Variants in AP3B1 observed in about 807,000 individuals in gnomAD.
AP3B1 encodes adaptor related protein complex 3 subunit beta 1.
AP3B1 carries 61 observed loss-of-function variants against 132.5 expected under a neutral mutation model. That is an observed-to-expected ratio of 0.46 (90% CI 0.37 to 0.57). The LOEUF (loss-of-function observed/expected upper bound fraction) is 0.57. Among genes scored for constraint, AP3B1 ranks in the 20% least tolerant of loss-of-function variants. The probability of loss-of-function intolerance (pLI) is 0.00; values close to 1 mark genes in which losing one functional copy is unlikely to be tolerated. For missense variants in AP3B1, 1,120 were observed against 1,289.4 expected, an observed-to-expected ratio of 0.87 and a Z score of 2.01; for synonymous variants, 388 against 438.3, an observed-to-expected ratio of 0.89 and a Z score of 1.43.
At chr5:78,080,623 A>ATTTTTTTTTTTTTTTTTTTTTTTT (rs66609184) in intron 22 of AP3B1, among the ~76,000 whole-genome samples, 1 of 103,548 alleles carries the variant, frequency 9.7e-6, no homozygotes, top group African/African-American at 3.8e-5. Context: ...TATGCCTCCA[A>ATTTTTTTTTTTTTTTTTTTTTTTT]TTTTTTTTTT....
intron 22 of AP3B1, among the ~76,000 whole-genome samples, chr5:78,060,200 T>C (rs1369917597): frequency 6.6e-6 from 1 of 152,110 alleles, no homozygotes; most frequent in Non-Finnish European, 1.5e-5. Flanking sequence ...TTATACCGAG[T>C]CTCTGAATGA....
At chr5:78,148,525 C>A (rs72776444) in intron 14 of AP3B1, among the ~76,000 whole-genome samples, 38,098 of 152,014 alleles carry the variant, frequency 0.25, 4,977 homozygotes, top group Admixed American at 0.38. Flanking sequence ...AAACCTTTAA[C>A]ATTCTTTTAT....
intron 22 of AP3B1, among the ~76,000 whole-genome samples, chr5:78,053,287 G>GTA (rs1344910575): frequency 6.6e-6 from 1 of 151,600 alleles, no homozygotes; most frequent in East Asian, 1.9e-4. Flanking sequence ...CTTAATTCAA[G>GTA]TCTTCATTAA....
intron 18 of AP3B1, among the ~76,000 whole-genome samples, chr5:78,115,325 T>A (rs530516384): frequency 7.9e-5 from 12 of 152,060 alleles, no homozygotes; most frequent in African/African-American, 2.9e-4. Flanking sequence ...CATGTAAGAG[T>A]GACAGGCCCT....
chr5:78,087,834 T>C (rs1285743449), intron 22 of AP3B1, among the ~76,000 whole-genome samples: 4 of 152,226 alleles, frequency 2.6e-5, no homozygotes, highest in Non-Finnish European at 5.9e-5. Context: ...TTATCACATA[T>C]CGTATCACTT....
intron 1 of AP3B1, among the ~76,000 whole-genome samples, chr5:78,276,102 A>G (rs1040350888): frequency 1.3e-5 from 2 of 151,492 alleles, no homozygotes; most frequent in Non-Finnish European, 2.9e-5. Context: ...GTCTTGCTCT[A>G]TTGCCCAGGC....
At chr5:78,193,863 TCCTG>T (rs2112439410) in intron 7 of AP3B1, among the ~76,000 whole-genome samples, 1 of 150,450 alleles carries the variant, frequency 6.6e-6, no homozygotes, top group Admixed American at 6.7e-5. Flanking sequence ...CACGCCATTC[TCCTG>T]CCTCAGCCTC....
intron 1 of AP3B1, among the ~76,000 whole-genome samples, chr5:78,282,989 G>A (rs1749123289): frequency 6.6e-6 from 1 of 152,118 alleles, no homozygotes; most frequent in Admixed American, 6.5e-5. Context: ...GGCACAGAAA[G>A]AGATTGTGTC....
intron 22 of AP3B1, among the ~76,000 whole-genome samples, chr5:78,048,749 T>C (rs1207351271): frequency 6.6e-6 from 1 of 152,230 alleles, no homozygotes; most frequent in African/African-American, 2.4e-5. Context: ...CTTGCTGAAG[T>C]TGTTTTCTCT....
chr5:78,002,715 AAAGGGGGAAAGTATTG>A lies in AP3B1; in HGVS notation c.*171_*186del. 1.4e-6 allele frequency: 1 copy of A among 699,208 alleles called. No individual in the cohort carries two copies. The highest frequency in any genetic ancestry group is 1.8e-5 in the South Asian group (1 of 56,918). The allele number at this position is 699,208 out of a possible 1,614,324, so 43.3% of individuals were successfully genotyped here. ...ATATGCTCTTTGGTTAGCAAAGCAA[AAAGGGGGAAAGTATTG>A]CATACATGATAGATACACACTAGCA... On this transcript the variant is annotated 3_prime_UTR_variant, in exon 27 of 27. Coordinates refer to ENST00000255194, the MANE Select transcript of AP3B1 (RefSeq NM_003664.5).
intron 21 of AP3B1, among the ~76,000 whole-genome samples, chr5:78,092,764 C>T (rs1240931793): frequency 6.6e-6 from 1 of 151,574 alleles, no homozygotes; most frequent in African/African-American, 2.4e-5. Flanking sequence ...CCTCCCGCCT[C>T]AGCCTCCTGA....
At chr5:78,272,950 A>G (rs1431777658) in intron 1 of AP3B1, among the ~76,000 whole-genome samples, 2 of 148,574 alleles carry the variant, frequency 1.3e-5, no homozygotes, top group Admixed American at 6.7e-5. Flanking sequence ...ATATCTGTCC[A>G]TGACACTGTA....
intron 21 of AP3B1, among the ~76,000 whole-genome samples, chr5:78,091,277 C>CA (rs748473899): frequency 0.36 from 28,199 of 79,294 alleles, 4,088 homozygotes; most frequent in South Asian, 0.51. Flanking sequence ...ATGTATTTGA[C>CA]AAAAAAAAAA....
intron 3 of AP3B1, among the ~76,000 whole-genome samples, chr5:78,240,616 G>C (rs576123485): frequency 6.6e-6 from 1 of 152,140 alleles, no homozygotes; most frequent in Admixed American, 6.6e-5. Flanking sequence ...GTGAAAACTC[G>C]ACAACTTACC....
chr5:78,186,736 A>G (rs1175198425), intron 7 of AP3B1, among the ~76,000 whole-genome samples: 2 of 152,234 alleles, frequency 1.3e-5, no homozygotes, highest in Non-Finnish European at 2.9e-5. Context: ...GTATTTATGC[A>G]TTGTTATACA....
chr5:78,145,930 G>A (rs755725555), intron 14 of AP3B1, among the ~76,000 whole-genome samples: 49 of 152,326 alleles, frequency 3.2e-4, no homozygotes, highest in Middle Eastern at 6.8e-3. Context: ...CTCAGGCACT[G>A]AAGGAAAACA....
intron 7 of AP3B1, among the ~76,000 whole-genome samples, chr5:78,195,538 G>T (rs1383565346): frequency 6.6e-6 from 1 of 152,212 alleles, no homozygotes; most frequent in Non-Finnish European, 1.5e-5. Context: ...AAGAGTCACA[G>T]GCCAGGCGCA....
Position 78,294,468 on chromosome 5 carries a change from T to C in AP3B1, c.112A>G (p.Ser38Gly), listed in dbSNP as rs748145337. The change falls in exon 1 of 27, where the codon AGC (serine) becomes GGC (glycine). Residue 38 changes from serine to glycine, a missense_variant. Transcript: ENST00000255194. ...TCTCCTCACTTCTTCAAATCGCTGC[T>C]AAAGAGGCCGAAGGCCCCCGAGGGG... is the stretch of plus-strand genomic sequence containing the variant. ...ISPSGAFGLF[S>G]SDLKKNEDLK... is the part of the protein sequence containing the mutation. 2 of 1,614,064 alleles carry C rather than the reference T, an allele frequency of 1.2e-6. No individual in the cohort carries two copies. Among genetic ancestry groups the C allele is most frequent in the Non-Finnish European group, 8.5e-7 (1 of 1,180,054 alleles).
intron 22 of AP3B1, among the ~76,000 whole-genome samples, chr5:78,064,645 T>C (rs1400331519): frequency 6.6e-6 from 1 of 151,634 alleles, no homozygotes; most frequent in Non-Finnish European, 1.5e-5. Context: ...GACAGAAAAA[T>C]AAAATCAAAA....
Sources: allele counts gnomAD v4.1 joint callset (sites outside exome capture counted in the v4.1 genomes callset), GRCh38; gene constraint gnomAD v4.1.1; transcripts MANE v1.5; gene names NCBI Gene and HGNC (gene_info 2026-07-23, HGNC 2026-07-21).